TMEM117: variants seen among roughly 807,000 people sequenced by gnomAD.
TMEM117 encodes transmembrane protein 117.
In TMEM117, 27 loss-of-function variants were observed where a neutral mutation model predicts 52.4. The observed-to-expected ratio is 0.51, with a 90% CI of 0.38 to 0.71. The LOEUF is 0.71. Among genes scored for constraint, TMEM117 ranks in the 30% least tolerant of loss-of-function variants. The pLI is 0.00. For missense variants in TMEM117, 556 were observed against 630.5 expected (o/e 0.88, Z 1.26); for synonymous variants, 215 against 206.3 (o/e 1.04, Z -0.36).
chr12:44,208,275 G>T (rs546104284), intron 4 of TMEM117, among the ~76,000 whole-genome samples: 2 of 152,222 alleles, frequency 1.3e-5, no homozygotes, highest in East Asian at 3.9e-4. Flanking sequence ...CCATGATGCG[G>T]TGAGTGCCAT....
intron 6 of TMEM117, among the ~76,000 whole-genome samples, chr12:44,342,897 C>A (rs1286052453): frequency 6.6e-6 from 1 of 152,004 alleles, no homozygotes; most frequent in Non-Finnish European, 1.5e-5. Flanking sequence ...GACAGTCTCA[C>A]TCTGTTGCCC....
chr12:43,864,015 C>T (rs2137404490), intron 2 of TMEM117, among the ~76,000 whole-genome samples: 1 of 152,324 alleles, frequency 6.6e-6, no homozygotes, highest in South Asian at 2.1e-4. Context: ...CAGCCCTGGA[C>T]AGTGAGGGGC....
intron 3 of TMEM117, among the ~76,000 whole-genome samples, chr12:44,004,837 A>G (rs1946169270): frequency 6.6e-6 from 1 of 152,204 alleles, no homozygotes; most frequent in Non-Finnish European, 1.5e-5. Context: ...GAGTTGGGAC[A>G]TCAGTATATT....
chr12:44,182,996 C>T (rs1269876049), intron 4 of TMEM117, among the ~76,000 whole-genome samples: 1 of 152,052 alleles, frequency 6.6e-6, no homozygotes. Context: ...ATCCAATGAA[C>T]ATCATTATAA....
intron 3 of TMEM117, chr12:44,008,648 C>T: frequency 4.1e-6 from 1 of 245,714 alleles, no homozygotes. Flanking sequence ...ACATGCCTTC[C>T]TTCTTCTGTG....
At chr12:44,343,726 G>A (rs1348852513) in intron 6 of TMEM117, among the ~76,000 whole-genome samples, 1 of 152,116 alleles carries the variant, frequency 6.6e-6, no homozygotes, top group Non-Finnish European at 1.5e-5. Context: ...TGTATGTTGT[G>A]TGTATTTTAT....
intron 3 of TMEM117, among the ~76,000 whole-genome samples, chr12:44,066,869 C>T (rs1454541449): frequency 1.3e-5 from 2 of 152,124 alleles, no homozygotes; most frequent in Non-Finnish European, 2.9e-5. Context: ...TCATGAAAGA[C>T]TTCTCTGTAG....
At chr12:44,279,596 C>T (rs1307018884) in intron 5 of TMEM117, among the ~76,000 whole-genome samples, 1 of 151,504 alleles carries the variant, frequency 6.6e-6, no homozygotes, top group Non-Finnish European at 1.5e-5. Flanking sequence ...TCACTGCAAC[C>T]TCCGCATCCC....
rs73086760 is a variant in TMEM117 at position 44,277,058 on chromosome 12, G to T, written c.609-22522G>T. ...GGTTTTGAAGGCATTATTCTTTCTCGTGAAATTTTGGGAAAAGAGGTAGAT... is the reference window on the plus strand; with the variant it reads ...GGTTTTGAAGGCATTATTCTTTCTCTTGAAATTTTGGGAAAAGAGGTAGAT... On this transcript the variant is annotated intron_variant, in intron 5 of 7. Coordinates refer to ENST00000266534, the MANE Select transcript of TMEM117 (RefSeq NM_032256.3). Among the ~76,000 whole-genome samples the T allele has an allele frequency of 4.6e-3, 697 of 152,092 alleles. 3 individuals carry two copies. The highest frequency in any genetic ancestry group is 8.1e-3 in the Non-Finnish European group (554 of 67,980).
chr12:44,336,679 A>G (rs1951344961), intron 6 of TMEM117, among the ~76,000 whole-genome samples: 1 of 151,974 alleles, frequency 6.6e-6, no homozygotes, highest in African/African-American at 2.4e-5. Flanking sequence ...TGAAGGTTGC[A>G]TTTAAAGCCT....
chr12:43,892,687 T>C (rs1229949395), intron 2 of TMEM117, among the ~76,000 whole-genome samples: 2 of 152,198 alleles, frequency 1.3e-5, no homozygotes, highest in African/African-American at 4.8e-5. Context: ...TTATTGGAAA[T>C]CTGCAATGTA....
intron 6 of TMEM117, among the ~76,000 whole-genome samples, chr12:44,332,070 G>T (rs1951278305): frequency 6.6e-6 from 1 of 151,960 alleles, no homozygotes; most frequent in South Asian, 2.1e-4. Flanking sequence ...CATGTAGATG[G>T]AACAGCCACT....
At chr12:44,251,997 G>A (rs1950201761) in intron 5 of TMEM117, among the ~76,000 whole-genome samples, 1 of 151,926 alleles carries the variant, frequency 6.6e-6, no homozygotes, top group Non-Finnish European at 1.5e-5. Flanking sequence ...GTACTTCTTA[G>A]CGTAATGTTC....
At chr12:43,933,177 G>T (rs1944898455) in intron 2 of TMEM117, among the ~76,000 whole-genome samples, 2 of 151,776 alleles carry the variant, frequency 1.3e-5, no homozygotes, top group African/African-American at 4.8e-5. Flanking sequence ...GAAGATGTAA[G>T]AATTTAATAA....
intron 6 of TMEM117, among the ~76,000 whole-genome samples, chr12:44,310,750 A>G (rs1290216846): frequency 2.0e-5 from 3 of 152,204 alleles, no homozygotes. Context: ...CCTGGGATAT[A>G]TGTTCCTTTA....
intron 3 of TMEM117, among the ~76,000 whole-genome samples, chr12:44,120,759 C>G (rs550833658): frequency 6.6e-6 from 1 of 152,276 alleles, no homozygotes; most frequent in African/African-American, 2.4e-5. Context: ...CTTAGGACCT[C>G]GTCCTGGTTT....
intron 5 of TMEM117, among the ~76,000 whole-genome samples, chr12:44,230,226 T>C (rs1458603736): frequency 6.6e-6 from 1 of 152,092 alleles, no homozygotes; most frequent in East Asian, 1.9e-4. Context: ...AGTCAGTCAG[T>C]AGAGGGGCTG....
chr12:44,183,053 C>T (rs1452399205), intron 4 of TMEM117, among the ~76,000 whole-genome samples: 1 of 151,908 alleles, frequency 6.6e-6, no homozygotes, highest in Admixed American at 6.6e-5. Flanking sequence ...CACATGCATA[C>T]AGAGGCATAT....
intron 2 of TMEM117, among the ~76,000 whole-genome samples, chr12:43,896,837 CATTAATATG>C (rs1179096647): frequency 6.6e-6 from 1 of 152,102 alleles, no homozygotes; most frequent in Admixed American, 6.6e-5. Context: ...AATCAGTTTG[CATTAATATG>C]AGGAGGTTTC....
Sources: gnomAD v4.1 joint callset for allele counts (sites outside exome capture counted in the v4.1 genomes callset) on GRCh38, gnomAD v4.1.1 for gene constraint, MANE v1.5 for transcripts, NCBI Gene and HGNC (gene_info 2026-07-23, HGNC 2026-07-21) for gene names.